Variants in DHTKD1 observed in about 807,000 individuals in gnomAD.
The protein encoded by DHTKD1 is dehydrogenase E1 and transketolase domain containing 1, also known as 2-oxoadipate dehydrogenase complex component E1.
A neutral mutation model predicts 101.8 loss-of-function variants in DHTKD1; 78 were observed. The ratio of observed to expected loss-of-function variants is 0.77; its 90% CI spans 0.64 to 0.93. The LOEUF (loss-of-function observed/expected upper bound fraction) is 0.93. DHTKD1 is among the 40% of genes least tolerant of loss of function. The pLI is 0.00. For missense variants in DHTKD1, 1,223 were observed against 1,161.7 expected (o/e 1.05, Z -0.77); for synonymous variants, 462 against 450.3 (o/e 1.03, Z -0.33).
rs1350405344 is a variant in DHTKD1, at chr10:12,103,845, CT to C, written c.1897-2398del. ...GGGTTTTTATTTTTTTAAGTAAAAG[CT>C]TTATTGAGCTATAACTCATACAATT... On this transcript the variant is annotated intron_variant, in intron 10 of 16. Coordinates refer to ENST00000263035, the MANE Select transcript of DHTKD1 (RefSeq NM_018706.7). The surrounding 1 kb of genome is among the most constrained non-coding windows in gnomAD (Gnocchi z 4.8). 6.6e-6 allele frequency among the ~76,000 whole-genome samples: 1 copy of C among 152,032 alleles called. No homozygotes were observed. Among genetic ancestry groups the C allele is most frequent in the Non-Finnish European group, 1.5e-5 (1 of 68,020 alleles).
intron 1 of DHTKD1, among the ~76,000 whole-genome samples, chr10:12,071,693 C>T (rs997632933): frequency 4.6e-4 from 70 of 151,996 alleles, no homozygotes; most frequent in Non-Finnish European, 7.4e-5. Flanking sequence ...TTTGGGAGGC[C>T]GAGACAGACA....
intron 1 of DHTKD1, among the ~76,000 whole-genome samples, chr10:12,073,740 G>C (rs548126120): frequency 7.2e-4 from 109 of 152,286 alleles, no homozygotes; most frequent in South Asian, 1.9e-3. Flanking sequence ...GGAGTAATGC[G>C]TGCATCCCCA....
Position 12,087,648 on chromosome 10 carries a change from C to T in DHTKD1, c.636C>T (p.Ser212=), listed in dbSNP as rs772308172. The T allele has an allele frequency of 1.4e-5, 23 of 1,613,932 alleles. No homozygotes were observed. The highest frequency in any genetic ancestry group is 6.7e-5 in the Admixed American group (4 of 59,938). ...AGCTGCTGAAAATGTCGGCCTACAG[C>T]GGGATCACTGATGTCATTATTGGGA... is the stretch of plus-strand genomic sequence containing the variant. ...FHELLKMSAY[S]GITDVIIGMP... The change falls in exon 4 of 17, where the codon AGC becomes AGT. Residue 212 remains serine (S), a synonymous_variant. Transcript: ENST00000263035. The surrounding 1 kb of genome is among the most constrained non-coding windows in gnomAD (Gnocchi z 5.2).
chr10:12,069,085 C>A lies in DHTKD1; in HGVS notation c.52C>A (p.Pro18Thr). The change falls in exon 1 of 17, where the codon CCT becomes ACT. Residue 18 changes from proline (P) to threonine (T), a missense_variant. Transcript: ENST00000263035. ...AARRGLGRAL[P>T]LFWRGYQTER... Reference sequence around the variant, plus strand: ...ACGACGGGGCCTCGGCCGGGCTCTCCCTCTCTTCTGGCGTGGCTACCAGAC... The same window carrying A: ...ACGACGGGGCCTCGGCCGGGCTCTCACTCTCTTCTGGCGTGGCTACCAGAC... 6.2e-7 allele frequency: 1 copy of A among 1,612,848 alleles called. No homozygotes were observed. Among genetic ancestry groups the A allele is most frequent in the Non-Finnish European group, 8.5e-7 (1 of 1,179,602 alleles).
At chr10:12,111,990 T>C (rs763673779) in intron 12 of DHTKD1, among the ~76,000 whole-genome samples, 1 of 151,908 alleles carries the variant, frequency 6.6e-6, no homozygotes, top group Non-Finnish European at 1.5e-5. Context: ...TGAAGGGTCA[T>C]GGGAATCAAG....
intron 7 of DHTKD1, among the ~76,000 whole-genome samples, chr10:12,097,106 A>C (rs2131364772): frequency 6.6e-6 from 1 of 152,170 alleles, no homozygotes; most frequent in East Asian, 1.9e-4. Context: ...TTTCTGTTTT[A>C]TAAACTTATT....
intron 8 of DHTKD1, among the ~76,000 whole-genome samples, chr10:12,099,702 A>T (rs1257704762): frequency 6.6e-6 from 1 of 151,930 alleles, no homozygotes; most frequent in Non-Finnish European, 1.5e-5. Flanking sequence ...AAATAAATAA[A>T]TAAAAACTGT....
At chr10:12,075,151 A>G (rs959269407) in intron 1 of DHTKD1, among the ~76,000 whole-genome samples, 1 of 152,074 alleles carries the variant, frequency 6.6e-6, no homozygotes, top group Non-Finnish European at 1.5e-5. Context: ...AGAAGAACCT[A>G]TGTCAATGCA....
chr10:12,098,668 G>A (rs576204341), intron 8 of DHTKD1, among the ~76,000 whole-genome samples: 3 of 152,206 alleles, frequency 2.0e-5, no homozygotes, highest in African/African-American at 7.2e-5. Flanking sequence ...AGGTTCAAAC[G>A]ATTCTCCTGC....
At chr10:12,086,226 CT>C (rs1383034039) in intron 3 of DHTKD1, among the ~76,000 whole-genome samples, 696 of 9,148 alleles carry the variant, frequency 0.076, 14 homozygotes, top group African/African-American at 0.16. Context: ...GTTTTCTTTT[CT>C]TTTTTTTTTT....
In DHTKD1 at chr10:12,094,206, G is replaced by A; in HGVS notation, c.1293G>A (p.Arg431=). 6.2e-7 allele frequency: 1 copy of A among 1,614,178 alleles called. No individual in the cohort carries two copies. The highest frequency in any genetic ancestry group is 8.5e-7 in the Non-Finnish European group (1 of 1,180,040). The change falls in exon 7 of 17, where the codon AGG becomes AGA. Residue 431 remains arginine (R), a synonymous_variant. Coordinates refer to ENST00000263035, the MANE Select transcript of DHTKD1 (RefSeq NM_018706.7). The stretch of plus-strand genomic sequence containing the variant: ...TGATTATTGATCTGTTGTGCTACAG[G>A]CAGTGGGGCCACAATGAGCTGGATG... ...KDVIIDLLCY[R]QWGHNELDEP...
chr10:12,078,531 C>T (rs948137845), intron 1 of DHTKD1, among the ~76,000 whole-genome samples: 4 of 152,080 alleles, frequency 2.6e-5, no homozygotes, highest in African/African-American at 7.2e-5. Context: ...CAATCGCTTG[C>T]ACCCAAAAGG....
Position 12,101,178 on chromosome 10 carries a change from A to G in DHTKD1, c.1893A>G (p.Leu631=). 2.0e-5 allele frequency: 32 copies of G among 1,612,410 alleles called. No individual in the cohort carries two copies. Among genetic ancestry groups the G allele is most frequent in the Non-Finnish European group, 2.7e-5 (32 of 1,179,568 alleles). The part of the protein sequence containing the change: ...NHMDPNQKGF[L]EVSNSPLSEE... ...TGGACCCAAATCAGAAGGGGTTTCT[A>G]GAGGTGAGATGTTTCTATAGCTGTT... The change falls in exon 10 of 17, where the codon CTA becomes CTG. Residue 631 remains leucine (L), a synonymous_variant. Coordinates refer to ENST00000263035, the MANE Select transcript of DHTKD1 (RefSeq NM_018706.7).
In DHTKD1 at chr10:12,107,996, G is replaced by T; in HGVS notation, c.2135G>T (p.Arg712Leu). ...DGAGPDHSSCRIERFLQMCDS... is the reference protein window; with the variant it reads ...DGAGPDHSSCLIERFLQMCDS... Reference sequence around the variant, plus strand: ...GCTGGGCCAGACCACTCATCCTGTCGAATAGAGCGTTTCCTGCAGGTAAGG... The same window carrying T: ...GCTGGGCCAGACCACTCATCCTGTCTAATAGAGCGTTTCCTGCAGGTAAGG... The change falls in exon 12 of 17, where the codon CGA becomes CTA. Residue 712 changes from arginine to leucine, a missense_variant. Physicochemically the swap from Arg to Leu is moderately radical, Grantham distance 102. Transcript: ENST00000263035. The surrounding 1 kb of genome is among the most constrained non-coding windows in gnomAD (Gnocchi z 4.1). 6.2e-7 allele frequency: 1 copy of T among 1,613,592 alleles called. No homozygotes were observed. Among genetic ancestry groups the T allele is most frequent in the East Asian group, 2.2e-5 (1 of 44,854 alleles).
At position 12,091,699 on chromosome 10, in the gene DHTKD1, G is replaced by A; in HGVS notation, c.1159+15G>A. 1 of 1,611,064 alleles carries A rather than the reference G, an allele frequency of 6.2e-7. No individual in the cohort carries two copies. The stretch of plus-strand genomic sequence containing the variant: ...CAGTGATATTGGTACGTAACACAGG[G>A]AGGAACTGATATTGCTGAAGCCGAC... On this transcript the variant is annotated intron_variant, in intron 6 of 16. Transcript: ENST00000263035.
chr10:12,105,423 C>T (rs1833228599), intron 10 of DHTKD1, among the ~76,000 whole-genome samples: 1 of 152,064 alleles, frequency 6.6e-6, no homozygotes, highest in South Asian at 2.1e-4. Flanking sequence ...TCAAGTGATC[C>T]TCCCACCTCA....
chr10:12,116,579 C>T (rs141563650), intron 13 of DHTKD1, among the ~76,000 whole-genome samples: 307 of 151,758 alleles, frequency 2.0e-3, no homozygotes, highest in Middle Eastern at 6.8e-3. Flanking sequence ...TTAGTAGAGA[C>T]GGGGTTTCAC....
At chr10:12,096,656 C>T (rs1008239062) in intron 7 of DHTKD1, among the ~76,000 whole-genome samples, 1 of 152,164 alleles carries the variant, frequency 6.6e-6, no homozygotes, top group East Asian at 1.9e-4. Flanking sequence ...GGCCCCAGGG[C>T]GTTAGCTTTA....
At chr10:12,074,420 A>G (rs1468367257) in intron 1 of DHTKD1, among the ~76,000 whole-genome samples, 1 of 151,932 alleles carries the variant, frequency 6.6e-6, no homozygotes, top group African/African-American at 2.4e-5. Context: ...CAGTGGCACG[A>G]TCTCTGCTCA....
Sources: allele counts gnomAD v4.1 joint callset (sites outside exome capture counted in the v4.1 genomes callset), GRCh38; gene constraint gnomAD v4.1.1; non-coding constraint Gnocchi (gnomAD v3.1); transcripts MANE v1.5; gene names NCBI Gene and HGNC (gene_info 2026-07-23, HGNC 2026-07-21).